Variants in OSBPL1A observed in about 807,000 individuals in gnomAD.
The protein encoded by OSBPL1A is oxysterol-binding protein-related protein 1.
OSBPL1A carries 80 observed loss-of-function variants against 137.1 expected under a neutral mutation model. That is an observed-to-expected ratio of 0.58 (90% CI 0.49 to 0.70). The LOEUF is 0.70. Among genes scored for constraint, OSBPL1A ranks in the 30% least tolerant of loss-of-function variants. OSBPL1A has a pLI of 0.00. For synonymous variants in OSBPL1A, 365 were observed against 389.7 expected, an observed-to-expected ratio of 0.94 and a Z score of 0.75; for missense variants, 970 against 1,129.4, an observed-to-expected ratio of 0.86 and a Z score of 2.02.
chr18:24,348,211 T>C (rs1236379538), intron 4 of OSBPL1A, among the ~76,000 whole-genome samples: 2 of 150,944 alleles, frequency 1.3e-5, no homozygotes, highest in Non-Finnish European at 2.9e-5. Flanking sequence ...TAAAAGATAA[T>C]ATATTAGTTC....
At chr18:24,180,511 C>T (rs999828674) in intron 19 of OSBPL1A, among the ~76,000 whole-genome samples, 14 of 151,334 alleles carry the variant, frequency 9.3e-5, no homozygotes, top group African/African-American at 3.2e-4. Flanking sequence ...TTGGAAACAC[C>T]CCGAGAAAGT....
intron 15 of OSBPL1A, chr18:24,272,278 C>G: frequency 1.4e-5 from 14 of 977,342 alleles, no homozygotes; most frequent in Non-Finnish European, 1.7e-5. Context: ...TTTAACCAAC[C>G]CGCCCCTTGG....
intron 15 of OSBPL1A, among the ~76,000 whole-genome samples, chr18:24,243,842 T>C (rs1476582217): frequency 6.6e-6 from 1 of 152,212 alleles, no homozygotes. Context: ...AATGGCAATT[T>C]CTCCTGTCAT....
At position 24,344,875 on chromosome 18, in the gene OSBPL1A, A is replaced by G. The variant is rs2091320297; in HGVS notation, c.283-3217T>C. On this transcript the variant is annotated intron_variant, in intron 4 of 27. Transcript: ENST00000319481. ...GTCAGCCAGGCTAGAATGCAGTGGC[A>G]CTACCTCGGCTCACTGCAGCCTTGA... is the stretch of plus-strand genomic sequence containing the variant. 2.6e-5 allele frequency among the ~76,000 whole-genome samples: 4 copies of G among 152,284 alleles called. No individual in the cohort carries two copies. In the South Asian group the frequency reaches 8.3e-4, roughly 32 times the overall value.
intron 17 of OSBPL1A, among the ~76,000 whole-genome samples, chr18:24,198,728 G>A (rs747555088): frequency 6.6e-6 from 1 of 152,076 alleles, no homozygotes; most frequent in Non-Finnish European, 1.5e-5. Flanking sequence ...TAAGCCCATA[G>A]CATGACGAGG....
rs755378974 is a variant in OSBPL1A at position 24,368,239 on chromosome 18, A to G, written c.207+48T>C. On this transcript the variant is annotated intron_variant, in intron 3 of 27. Coordinates refer to ENST00000319481, the MANE Select transcript of OSBPL1A (RefSeq NM_080597.4). ...AAGACTTTCATCTTAAAATTTCCAT[A>G]ACAATAATATTTACTGTAGTCATTA... 2.1e-6 allele frequency: 3 copies of G among 1,407,478 alleles called. No individual in the cohort carries two copies. The South Asian group carries it at 3.8e-5, about 18-fold the overall frequency. 87.2% of individuals were successfully genotyped at this position (1,407,478 alleles called of 1,614,324 possible).
intron 1 of OSBPL1A, among the ~76,000 whole-genome samples, chr18:24,388,196 C>T (rs1333372995): frequency 6.6e-6 from 1 of 152,188 alleles, no homozygotes; most frequent in Non-Finnish European, 1.5e-5. Flanking sequence ...ATACATGAGT[C>T]TACGGGTATC....
At chr18:24,269,702 A>G (rs1309035683) in intron 15 of OSBPL1A, among the ~76,000 whole-genome samples, 1 of 152,220 alleles carries the variant, frequency 6.6e-6, no homozygotes, top group East Asian at 1.9e-4. Context: ...AAAATTAATC[A>G]GAGTACAAGC....
chr18:24,162,336 C>T lies in OSBPL1A; in HGVS notation c.*843G>A, dbSNP rs2086037319. ...CTCCTTTTATATAGTTTGATACTTA[C>T]ATGAGTGCAACTTACTTTCCCTAGT... On this transcript the variant is annotated 3_prime_UTR_variant, in exon 28 of 28. Coordinates refer to ENST00000319481, the MANE Select transcript of OSBPL1A (RefSeq NM_080597.4). The T allele has an allele frequency of 6.6e-6, 1 of 152,340 alleles. No individual in the cohort carries two copies. The highest frequency in any genetic ancestry group is 2.1e-4 in the South Asian group (1 of 4,832). 9.4% of individuals were successfully genotyped at this position (152,340 alleles called of 1,614,324 possible).
intron 15 of OSBPL1A, among the ~76,000 whole-genome samples, chr18:24,251,810 CAAAAAATTCAAAATAACACAGAG>C (rs1567976680): frequency 6.6e-6 from 1 of 151,932 alleles, no homozygotes; most frequent in Non-Finnish European, 1.5e-5. Flanking sequence ...TGAGGAAACT[CAAAAAATTCAAAATAACACAGAG>C]AAAGAACTCA....
chr18:24,163,943 GC>G (rs1390293540), intron 27 of OSBPL1A, among the ~76,000 whole-genome samples: 29 of 152,132 alleles, frequency 1.9e-4, no homozygotes, highest in African/African-American at 6.3e-4. Context: ...TGTTGGTCAG[GC>G]TGGTCTCGAA....
At position 24,162,873 on chromosome 18, in the gene OSBPL1A, A is replaced by G. The variant is rs2086052114; in HGVS notation, c.*306T>C. The G allele has an allele frequency of 4.5e-6, 1 of 220,482 alleles. No homozygotes were observed. Among genetic ancestry groups the G allele is most frequent in the South Asian group, 6.8e-5 (1 of 14,776 alleles). The allele number at this position is 220,482 out of a possible 1,614,324, so 13.7% of individuals were successfully genotyped here. On this transcript the variant is annotated 3_prime_UTR_variant, in exon 28 of 28. Coordinates refer to ENST00000319481, the MANE Select transcript of OSBPL1A (RefSeq NM_080597.4). ...CATAAAGCTAAAGTTACATTTAGGT[A>G]TAAACCTTCAGTAAATATGGCAACA...
At chr18:24,250,170 G>GTGTGTTTTTTTTT (rs2089038235) in intron 15 of OSBPL1A, among the ~76,000 whole-genome samples, 1 of 51,144 alleles carries the variant, frequency 2.0e-5, no homozygotes. Flanking sequence ...TTGTTTGTTT[G>GTGTGTTTTTTTTT]TTTGTTTGTT....
intron 14 of OSBPL1A, among the ~76,000 whole-genome samples, chr18:24,283,427 C>T (rs936706754): frequency 6.6e-6 from 1 of 151,576 alleles, no homozygotes; most frequent in South Asian, 2.1e-4. Flanking sequence ...CTCTTGTTAG[C>T]TTCTTTAATA....
chr18:24,253,840 G>T (rs2089187757), intron 15 of OSBPL1A, among the ~76,000 whole-genome samples: 1 of 152,186 alleles, frequency 6.6e-6, no homozygotes, highest in African/African-American at 2.4e-5. Context: ...TCCCCAGGAG[G>T]AATTTAGGGA....
intron 1 of OSBPL1A, among the ~76,000 whole-genome samples, chr18:24,397,204 A>C (rs1196796054): frequency 3.3e-5 from 5 of 152,208 alleles, no homozygotes; most frequent in Non-Finnish European, 7.3e-5. Flanking sequence ...ATGCTTGTAG[A>C]ACCGACCACG....
Position 24,366,903 on chromosome 18 carries a change from T to A in OSBPL1A, c.271A>T (p.Thr91Ser). 1.2e-6 allele frequency: 2 copies of A among 1,612,140 alleles called. No homozygotes were observed. Among genetic ancestry groups the A allele is most frequent in the Non-Finnish European group, 1.7e-6 (2 of 1,179,114 alleles). ...AGAATGATTTTCACCTTTCGTCCTG[T>A]AAAGGCAGCTCGATGAAGCGGCGTG... ...GDTPLHRAAF[T>S]GRKELVMLLL... is the part of the protein sequence containing the mutation. Residue 91 changes from threonine (T) to serine (S), a missense_variant, in exon 4 of 28, where the codon ACA (threonine) becomes TCA (serine). Coordinates refer to ENST00000319481, the MANE Select transcript of OSBPL1A (RefSeq NM_080597.4).
intron 7 of OSBPL1A, among the ~76,000 whole-genome samples, chr18:24,326,744 T>G (rs1297218889): frequency 2.0e-5 from 3 of 152,260 alleles, no homozygotes; most frequent in African/African-American, 4.8e-5. Flanking sequence ...CTGTGAGTAA[T>G]GTATAACTTT....
chr18:24,256,487 A>C (rs1186552513), intron 15 of OSBPL1A, among the ~76,000 whole-genome samples: 1 of 152,206 alleles, frequency 6.6e-6, no homozygotes, highest in African/African-American at 2.4e-5. Flanking sequence ...AATAAAAGCC[A>C]TGAAAGACCC....
Sources: allele counts gnomAD v4.1 joint callset (sites outside exome capture counted in the v4.1 genomes callset), GRCh38; gene constraint gnomAD v4.1.1; transcripts MANE v1.5; gene names NCBI Gene and HGNC (gene_info 2026-07-23, HGNC 2026-07-21).